The following NRXN1 variants were observed in gnomAD, a reference collection of about 807,000 sequenced individuals.
NRXN1 encodes neurexin 1.
Under a neutral mutation model 150.9 loss-of-function variants are expected in NRXN1, and 39 were observed. The ratio of observed to expected loss-of-function variants is 0.26; its 90% CI spans 0.20 to 0.34. NRXN1 has a LOEUF of 0.34. NRXN1 is among the 10% of genes least tolerant of loss of function. The probability of loss-of-function intolerance (pLI) is 1.00; values close to 1 mark genes in which losing one functional copy is unlikely to be tolerated. For missense variants in NRXN1, 1,815 were observed against 1,949.9 expected, an observed-to-expected ratio of 0.93 and a Z score of 1.30; for synonymous variants, 924 against 757.0, an observed-to-expected ratio of 1.22 and a Z score of -3.62.
At chr2:50,238,060 G>C (rs1574664376) in intron 17 of NRXN1, among the ~76,000 whole-genome samples, 1 of 152,134 alleles carries the variant, frequency 6.6e-6, no homozygotes, top group South Asian at 2.1e-4. Context: ...CAGCCACACA[G>C]AACTGTGAGT....
At chr2:50,031,275 AC>A (rs1689137294) in intron 21 of NRXN1, among the ~76,000 whole-genome samples, 1 of 152,042 alleles carries the variant, frequency 6.6e-6, no homozygotes, top group South Asian at 2.1e-4. Flanking sequence ...TTATGTTATT[AC>A]ACTGCTAATC....
At chr2:50,717,856 AG>A (rs1696067882) in intron 5 of NRXN1, among the ~76,000 whole-genome samples, 1 of 152,088 alleles carries the variant, frequency 6.6e-6, no homozygotes, top group Non-Finnish European at 1.5e-5. Flanking sequence ...CCTTTTGTAA[AG>A]GGACTCTTTT....
At chr2:50,135,669 C>T (rs972160522) in intron 18 of NRXN1, among the ~76,000 whole-genome samples, 2 of 151,804 alleles carry the variant, frequency 1.3e-5, no homozygotes, top group South Asian at 2.1e-4. Context: ...CCAGCCTGGG[C>T]GACAGAGCAA....
At chr2:50,213,802 C>A (rs1270259867) in intron 18 of NRXN1, among the ~76,000 whole-genome samples, 1 of 151,818 alleles carries the variant, frequency 6.6e-6, no homozygotes, top group Non-Finnish European at 1.5e-5. Context: ...TTTTCATCAA[C>A]TTCTTGTTCA....
Position 50,205,804 on chromosome 2 carries a change from A to G in NRXN1, c.3546+30985T>C, listed in dbSNP as rs575561325. Among the ~76,000 whole-genome samples the G allele has an allele frequency of 1.3e-5, 2 of 152,282 alleles. 1 individual carries two copies. The highest frequency in any genetic ancestry group is 4.8e-5 in the African/African-American group (2 of 41,584). On this transcript the variant is annotated intron_variant, in intron 18 of 22. Transcript: ENST00000401669. ...AAATGAAATACTGATACATGTTACA[A>G]CATGGATGAACCTTGAAAACACTAT...
At chr2:50,029,687 G>GT (rs1331816706) in intron 21 of NRXN1, among the ~76,000 whole-genome samples, 1 of 152,078 alleles carries the variant, frequency 6.6e-6, no homozygotes, top group Non-Finnish European at 1.5e-5. Flanking sequence ...CTCTGGAACC[G>GT]TAAGAATAAA....
At chr2:50,783,169 G>A (rs1310532189) in intron 5 of NRXN1, among the ~76,000 whole-genome samples, 1 of 152,116 alleles carries the variant, frequency 6.6e-6, no homozygotes, top group Admixed American at 6.6e-5. Context: ...ATCAGTTTTT[G>A]TGTTATTTTC....
chr2:50,510,091 G>A (rs1195216611), intron 12 of NRXN1, among the ~76,000 whole-genome samples: 2 of 151,662 alleles, frequency 1.3e-5, no homozygotes, highest in Admixed American at 1.3e-4. Context: ...AAAAACTGAG[G>A]TGAAAAAAAA....
chr2:50,064,130 C>T (rs1051723330), intron 19 of NRXN1, among the ~76,000 whole-genome samples: 1 of 152,006 alleles, frequency 6.6e-6, no homozygotes, highest in East Asian at 1.9e-4. Flanking sequence ...TTAGTGTCCA[C>T]TAATTACATA....
At position 50,716,294 on chromosome 2, in the gene NRXN1, C is replaced by T. The variant is rs1574220464; in HGVS notation, c.833-92679G>A. ...ACCCATTTTAGGATTTAGAAGGCTA[C>T]CACAGATTAAAAACTAAACCAATTT... On this transcript the variant is annotated intron_variant, in intron 5 of 22. Transcript: ENST00000401669. Among the ~76,000 whole-genome samples the T allele has an allele frequency of 2.0e-5, 3 of 152,086 alleles. No individual in the cohort carries two copies. In the South Asian group the frequency reaches 6.2e-4, roughly 32 times the overall value.
At chr2:50,501,507 A>C (rs17476739) in intron 13 of NRXN1, among the ~76,000 whole-genome samples, 49,546 of 151,710 alleles carry the variant, frequency 0.33, 9,109 homozygotes, top group Middle Eastern at 0.52. Context: ...ACAAAAAGAT[A>C]ATTTCACAGA....
intron 2 of NRXN1, among the ~76,000 whole-genome samples, chr2:50,939,210 CAAAAAAAAA>C (rs78496825): frequency 1.0e-4 from 7 of 68,318 alleles, no homozygotes; most frequent in Non-Finnish European, 1.5e-4. Flanking sequence ...GACTCCATCT[CAAAAAAAAA>C]AAAAAAAAAA....
intron 17 of NRXN1, among the ~76,000 whole-genome samples, chr2:50,396,175 C>G (rs1398926150): frequency 6.6e-6 from 1 of 152,168 alleles, no homozygotes; most frequent in East Asian, 1.9e-4. Flanking sequence ...AGAGCACATG[C>G]AAACAGGCAG....
chr2:50,535,105 A>T (rs1042219438), intron 10 of NRXN1, among the ~76,000 whole-genome samples: 1 of 152,250 alleles, frequency 6.6e-6, no homozygotes, highest in Non-Finnish European at 1.5e-5. Context: ...TTAATGTTTA[A>T]TTAGACAAGA....
At chr2:50,130,143 A>T (rs1705262003) in intron 18 of NRXN1, among the ~76,000 whole-genome samples, 1 of 152,100 alleles carries the variant, frequency 6.6e-6, no homozygotes, top group Non-Finnish European at 1.5e-5. Context: ...CTTTCCACTG[A>T]TGTCCTCCCT....
chr2:50,097,991 ACT>A (rs1700467746), intron 18 of NRXN1, among the ~76,000 whole-genome samples: 2 of 151,758 alleles, frequency 1.3e-5, no homozygotes, highest in Non-Finnish European at 2.9e-5. Context: ...GCTGGTAGAG[ACT>A]CTGTTTACCA....
chr2:50,472,795 T>TTGTGTGTGTGTGTGTGTGTG (rs113192574), intron 15 of NRXN1, among the ~76,000 whole-genome samples: 16 of 138,642 alleles, frequency 1.2e-4, no homozygotes, highest in African/African-American at 3.7e-4. Flanking sequence ...CCCTACAGCC[T>TTGTGTGTGTGTGTGTGTGTG]TGTGTGTGTG....
chr2:50,312,268 C>T (rs1480009702), intron 17 of NRXN1, among the ~76,000 whole-genome samples: 3 of 152,100 alleles, frequency 2.0e-5, no homozygotes, highest in Admixed American at 1.3e-4. Flanking sequence ...TAGTTTTTTA[C>T]TTTTAATGAA....
At chr2:50,437,556 A>G (rs1309392040) in intron 17 of NRXN1, among the ~76,000 whole-genome samples, 2 of 152,102 alleles carry the variant, frequency 1.3e-5, no homozygotes, top group African/African-American at 2.4e-5. Flanking sequence ...TTCTGTGTTC[A>G]GTGTGTTTGT....
Sources: gnomAD v4.1 joint callset for allele counts (sites outside exome capture counted in the v4.1 genomes callset) on GRCh38, gnomAD v4.1.1 for gene constraint, MANE v1.5 for transcripts, NCBI Gene and HGNC (gene_info 2026-07-23, HGNC 2026-07-21) for gene names.